PTGER4: variants seen among roughly 807,000 people sequenced by gnomAD.
PTGER4 encodes the protein prostaglandin E receptor 4.
A neutral mutation model predicts 33.2 loss-of-function variants in PTGER4; 11 were observed. That is an observed-to-expected ratio of 0.33 (90% CI 0.21 to 0.55). The LOEUF (loss-of-function observed/expected upper bound fraction) is 0.55. PTGER4 is among the 20% of genes least tolerant of loss of function. The probability of loss-of-function intolerance (pLI) is 0.92; values close to 1 mark genes in which losing one functional copy is unlikely to be tolerated. For missense variants in PTGER4, 481 were observed against 650.2 expected (o/e 0.74, Z 2.83); for synonymous variants, 275 against 281.5 (o/e 0.98, Z 0.23).
At chr5:40,701,158 A>G in the PTGER4 span, among the ~76,000 whole-genome samples, 1 of 152,238 alleles carries the variant, frequency 6.6e-6, no homozygotes. Context: ...CAGTTCTCCA[A>G]CAAGAGTTCT....
the PTGER4 span, among the ~76,000 whole-genome samples, chr5:40,710,489 C>G: frequency 6.6e-6 from 1 of 152,156 alleles, no homozygotes; most frequent in Non-Finnish European, 1.5e-5. Flanking sequence ...GGACTGTTAA[C>G]TAGTTCAACC....
intron 2 of PTGER4, among the ~76,000 whole-genome samples, chr5:40,689,427 C>T (rs1229723444): frequency 2.6e-5 from 4 of 151,852 alleles, no homozygotes; most frequent in Admixed American, 6.6e-5. Flanking sequence ...TGTATTTCTT[C>T]GAATATTTTA....
the PTGER4 span, among the ~76,000 whole-genome samples, chr5:40,703,522 C>T: frequency 6.6e-6 from 1 of 152,136 alleles, no homozygotes; most frequent in African/African-American, 2.4e-5. Flanking sequence ...TCAAAAAAAG[C>T]CCAGGACCTG....
chr5:40,734,495 TC>T, the PTGER4 span, among the ~76,000 whole-genome samples: 4 of 152,170 alleles, frequency 2.6e-5, no homozygotes, highest in Admixed American at 6.5e-5. Context: ...AGGGAATAGT[TC>T]CATGGACTAC....
At chr5:40,726,739 A>G in the PTGER4 span, among the ~76,000 whole-genome samples, 1 of 152,128 alleles carries the variant, frequency 6.6e-6, no homozygotes, top group African/African-American at 2.4e-5. Flanking sequence ...ATAAAGGACA[A>G]TCTTTACTAA....
At chr5:40,720,361 G>A in the PTGER4 span, among the ~76,000 whole-genome samples, 2 of 152,104 alleles carry the variant, frequency 1.3e-5, no homozygotes, top group African/African-American at 4.8e-5. Flanking sequence ...TAAAAATGTA[G>A]GTTTATTTCT....
chr5:40,682,098 T>G (rs1198526837), intron 2 of PTGER4, among the ~76,000 whole-genome samples: 1 of 150,932 alleles, frequency 6.6e-6, no homozygotes, highest in African/African-American at 2.4e-5. Flanking sequence ...CCCGGAAGCC[T>G]GGGTTTCTTT....
chr5:40,729,950 C>T, the PTGER4 span, among the ~76,000 whole-genome samples: 1 of 152,194 alleles, frequency 6.6e-6, no homozygotes, highest in Non-Finnish European at 1.5e-5. Context: ...CCACCCACCT[C>T]GGCCTCCCAA....
the PTGER4 span, among the ~76,000 whole-genome samples, chr5:40,737,794 G>A: frequency 6.6e-6 from 1 of 152,214 alleles, no homozygotes; most frequent in African/African-American, 2.4e-5. Flanking sequence ...TGTCACTATG[G>A]ATTAATTTGT....
At chr5:40,714,299 A>C in the PTGER4 span, among the ~76,000 whole-genome samples, 43 of 152,312 alleles carry the variant, frequency 2.8e-4, no homozygotes, top group South Asian at 2.1e-4. Context: ...TCTCCAAACT[A>C]ACTCAAGTTC....
At chr5:40,722,609 G>T in the PTGER4 span, among the ~76,000 whole-genome samples, 1 of 152,038 alleles carries the variant, frequency 6.6e-6, no homozygotes, top group South Asian at 2.1e-4. Flanking sequence ...CGTCTGAGAA[G>T]TGAGGAGCCC....
chr5:40,696,596 CCTT>C, downstream of PTGER4: 1 of 866,462 alleles, frequency 1.2e-6, no homozygotes, highest in Non-Finnish European at 1.4e-6. Context: ...GGTCTTTGGT[CCTT>C]CTATCAACAT....
the PTGER4 span, among the ~76,000 whole-genome samples, chr5:40,716,948 G>A: frequency 6.6e-5 from 10 of 152,098 alleles, no homozygotes; most frequent in Non-Finnish European, 1.5e-4. Context: ...CATGTATTTG[G>A]CTGGGCACGG....
chr5:40,736,743 T>C, the PTGER4 span, among the ~76,000 whole-genome samples: 1 of 152,192 alleles, frequency 6.6e-6, no homozygotes, highest in Non-Finnish European at 1.5e-5. Flanking sequence ...TCCTCCAAAA[T>C]TCTATAAGAT....
rs1013489179 is a variant in PTGER4 at position 40,693,064 on chromosome 5, G to GA, written c.*693dup. The GA allele has an allele frequency of 2.6e-5, 24 of 919,294 alleles. No individual in the cohort carries two copies. In the African/African-American group the frequency reaches 3.2e-4, roughly 12 times the overall value. The allele number at this position is 919,294 out of a possible 1,614,324, so 56.9% of individuals were successfully genotyped here. On this transcript the variant is annotated 3_prime_UTR_variant, in exon 3 of 3. Coordinates refer to ENST00000302472, the MANE Select transcript of PTGER4 (RefSeq NM_000958.3). ...AATTTAGTATTATCAAAGGGATAAA[G>GA]AAAAAAATACTATTTAAGATGTGAA...
At chr5:40,741,945 T>C in the PTGER4 span, among the ~76,000 whole-genome samples, 1 of 151,952 alleles carries the variant, frequency 6.6e-6, no homozygotes, top group Non-Finnish European at 1.5e-5. Flanking sequence ...GCCGAGATCA[T>C]GCCAATGCAC....
the PTGER4 span, among the ~76,000 whole-genome samples, chr5:40,744,824 A>AT: frequency 6.6e-6 from 1 of 152,214 alleles, no homozygotes; most frequent in Non-Finnish European, 1.5e-5. Flanking sequence ...CTCTCAACAG[A>AT]TACCAAACAC....
At chr5:40,716,402 G>C in the PTGER4 span, 11 of 1,613,798 alleles carry the variant, frequency 6.8e-6, no homozygotes, top group African/African-American at 1.3e-5. Flanking sequence ...GCTACCTTCT[G>C]CTGCTCCTGG....
the PTGER4 span, among the ~76,000 whole-genome samples, chr5:40,746,172 C>G: frequency 1.3e-5 from 2 of 151,000 alleles, no homozygotes; most frequent in Non-Finnish European, 2.9e-5. Flanking sequence ...GATTTTTGGT[C>G]CTTCTTAAAA....
Sources: allele counts gnomAD v4.1 joint callset (sites outside exome capture counted in the v4.1 genomes callset), GRCh38; gene constraint gnomAD v4.1.1; transcripts MANE v1.5; gene names NCBI Gene and HGNC (gene_info 2026-07-23, HGNC 2026-07-21).